The following COL6A3 variants were observed in gnomAD, a reference collection of about 807,000 sequenced individuals.
COL6A3 encodes collagen alpha-3(VI) chain.
Under a neutral mutation model 274.1 loss-of-function variants are expected in COL6A3, and 137 were observed. The ratio of observed to expected loss-of-function variants is 0.50; its 90% CI spans 0.44 to 0.58. COL6A3 has a LOEUF of 0.58. COL6A3 is among the 20% of genes least tolerant of loss of function. COL6A3 has a pLI of 0.00. For missense variants in COL6A3, 3,950 were observed against 4,124.9 expected, an observed-to-expected ratio of 0.96 and a Z score of 1.16; for synonymous variants, 1,650 against 1,650.6, an observed-to-expected ratio of 1.00 and a Z score of 0.01.
chr2:237,378,228 C>A (rs1305729336), intron 6 of COL6A3, among the ~76,000 whole-genome samples: 2 of 152,176 alleles, frequency 1.3e-5, no homozygotes, highest in African/African-American at 4.8e-5. Flanking sequence ...AGATGTTGAA[C>A]ATTTAAAAAT....
At chr2:237,386,198 T>C (rs930470706) in intron 4 of COL6A3, among the ~76,000 whole-genome samples, 4 of 152,252 alleles carry the variant, frequency 2.6e-5, no homozygotes, top group African/African-American at 9.6e-5. Context: ...AAATGTGGTG[T>C]GTTGCCTTTA....
intron 5 of COL6A3, among the ~76,000 whole-genome samples, chr2:237,379,514 T>C (rs2077947609): frequency 6.6e-6 from 1 of 152,096 alleles, no homozygotes; most frequent in Admixed American, 6.6e-5. Flanking sequence ...ACAAAAGTGA[T>C]CAGAATCCTT....
At chr2:237,359,490 T>C in intron 17 of COL6A3, 102 bp from the exon 18 acceptor site, 3 of 1,190,962 alleles carry the variant, frequency 2.5e-6, no homozygotes, top group Non-Finnish European at 3.8e-6. Flanking sequence ...CCCATTTGAA[T>C]GTTGCAGTGT....
intron 1 of COL6A3, among the ~76,000 whole-genome samples, chr2:237,411,848 A>G (rs2078863929): frequency 1.3e-5 from 2 of 152,208 alleles, no homozygotes; most frequent in Non-Finnish European, 2.9e-5. Context: ...AGTGGGGTGG[A>G]ACACGCTCCC....
At chr2:237,395,524 G>C (rs773329332) in intron 2 of COL6A3, among the ~76,000 whole-genome samples, 10 of 152,148 alleles carry the variant, frequency 6.6e-5, no homozygotes, top group Non-Finnish European at 1.2e-4. Context: ...GTGGCAGTTT[G>C]AGCCCCAAGA....
chr2:237,330,035 T>C (rs764721306), intron 42 of COL6A3: 2 of 152,256 alleles, frequency 1.3e-5, no homozygotes, highest in Non-Finnish European at 2.9e-5. Flanking sequence ...AGTTTCTGCA[T>C]TGAAACTTCT....
At position 237,368,132 on chromosome 2, in the gene COL6A3, C is replaced by T. The variant is rs546278770; in HGVS notation, c.4900+431G>A. ...AGCACGGGGTAGAAGCTGAGGTGGACGACTGCAAGTCTTCCAGGAAGGTGC... is the reference window on the plus strand; with the variant it reads ...AGCACGGGGTAGAAGCTGAGGTGGATGACTGCAAGTCTTCCAGGAAGGTGC... On this transcript the variant is annotated intron_variant, in intron 10 of 43. Coordinates refer to ENST00000295550, the MANE Select transcript of COL6A3 (RefSeq NM_004369.4). The surrounding 1 kb of genome is among the most constrained non-coding windows in gnomAD (Gnocchi z 4.4). Among the ~76,000 whole-genome samples, 2 of 152,306 alleles carry T rather than the reference C, an allele frequency of 1.3e-5. No homozygotes were observed. The highest frequency in any genetic ancestry group is 6.5e-5 in the Admixed American group (1 of 15,300).
intron 20 of COL6A3, 51 bp downstream of exon 20, chr2:237,358,984 T>A (rs774158338): frequency 9.5e-6 from 15 of 1,582,604 alleles, no homozygotes; most frequent in African/African-American, 1.3e-5. Context: ...ATTCCCTAAA[T>A]GAAATGTTGA....
At chr2:237,351,289 C>T in intron 26 of COL6A3, 97 bp from the exon 27 acceptor site, 2 of 1,167,096 alleles carry the variant, frequency 1.7e-6, no homozygotes, top group East Asian at 2.4e-5. Flanking sequence ...AAGTCAGAGC[C>T]CGCCAGGGGC....
chr2:237,374,790 G>T lies in COL6A3; in HGVS notation c.3301C>A (p.Leu1101Met). The T allele has an allele frequency of 6.2e-7, 1 of 1,614,064 alleles. No individual in the cohort carries two copies. The highest frequency in any genetic ancestry group is 8.5e-7 in the Non-Finnish European group (1 of 1,180,008). ...CCGGTGTTGGGGGTCGGCCCTCCCA[G>T]CAGGGTCAGCTGGCGGACAGCGTTG... ...VVNAVRQLTLLGGPTPNTGAA... is the reference protein window; with the variant it reads ...VVNAVRQLTLMGGPTPNTGAA... The change falls in exon 8 of 44, where the codon CTG becomes ATG. Residue 1101 changes from leucine to methionine, a missense_variant. Leu to Met is a conservative substitution (Grantham distance 15). This residue lies in a region of COL6A3 where 1,934 missense variants were observed against 1,984.3 expected (regional missense o/e 0.97). Coordinates refer to ENST00000295550, the MANE Select transcript of COL6A3 (RefSeq NM_004369.4). This position sits in a 1 kb window ranked among gnomAD's most constrained non-coding sequence, Gnocchi z 4.8.
At chr2:237,335,491 GC>G (rs1253182833) in intron 40 of COL6A3, among the ~76,000 whole-genome samples, 5 of 152,136 alleles carry the variant, frequency 3.3e-5, no homozygotes, top group African/African-American at 1.2e-4. Flanking sequence ...TGTGGTTTTT[GC>G]CATTGCTTTC....
At chr2:237,383,424 G>C (rs931794131) in intron 4 of COL6A3, among the ~76,000 whole-genome samples, 1 of 152,104 alleles carries the variant, frequency 6.6e-6, no homozygotes, top group Non-Finnish European at 1.5e-5. Context: ...AGAACATGCT[G>C]TCTCTCTGGG....
rs1263616785 is a variant in COL6A3, at chr2:237,358,600, A to G, written c.6409-17T>C. 1.9e-6 allele frequency: 3 copies of G among 1,608,276 alleles called. No individual in the cohort carries two copies. Among genetic ancestry groups the G allele is most frequent in the Non-Finnish European group, 2.6e-6 (3 of 1,174,876 alleles). ...TTTATCACCCTAAAGAAAAAGCACAAGTGGATGCTAAAAACTAGATGTTTC... is the reference window on the plus strand; with the variant it reads ...TTTATCACCCTAAAGAAAAAGCACAGGTGGATGCTAAAAACTAGATGTTTC... On this transcript the variant is annotated splice_polypyrimidine_tract_variant and intron_variant, in intron 20 of 43. Coordinates refer to ENST00000295550, the MANE Select transcript of COL6A3 (RefSeq NM_004369.4).
rs2077350851 is a variant in COL6A3, at chr2:237,357,830, T to C, written c.6524A>G (p.Asp2175Gly). 1 of 1,613,972 alleles carries C rather than the reference T, an allele frequency of 6.2e-7. No individual in the cohort carries two copies. The highest frequency in any genetic ancestry group is 8.5e-7 in the Non-Finnish European group (1 of 1,180,012). Reference protein sequence around the residue: ...QERGPKGETGDLGPMGVPGRD... With the variant: ...QERGPKGETGGLGPMGVPGRD... The stretch of plus-strand genomic sequence containing the variant: ...GCAGCACCTTACCATGGGGCCGAGG[T>C]CACCGGTTTCTCCTTTGGGTCCTCT... Residue 2175 changes from aspartate (D) to glycine (G), a missense_variant, in exon 22 of 44, where the codon GAC becomes GGC. By Grantham distance (94) the Asp-to-Gly change is moderately conservative. Around this residue, in one of 5 missense-constraint regions of COL6A3, gnomAD observed 1,284 missense variants for 1,349.7 expected, o/e 0.95. Coordinates refer to ENST00000295550, the MANE Select transcript of COL6A3 (RefSeq NM_004369.4).
At chr2:237,340,370 C>T (rs1417844694) in intron 38 of COL6A3, 82 bp downstream of exon 38, 1 of 1,336,378 alleles carries the variant, frequency 7.5e-7, no homozygotes, top group East Asian at 2.4e-5. Flanking sequence ...CATCGGTTGT[C>T]TTTTCCATGA....
In COL6A3 at chr2:237,378,511, T is replaced by A. The variant is rs2077908978; in HGVS notation, c.2497+125A>T. On this transcript the variant is annotated intron_variant, in intron 6 of 43. Transcript: ENST00000295550. ...TGTCTCAAGTCCCCATTCAAACTATTTCAATGGAAGGGAGCCAATTGTCTT... is the reference window on the plus strand; with the variant it reads ...TGTCTCAAGTCCCCATTCAAACTATATCAATGGAAGGGAGCCAATTGTCTT... 23 of 1,428,248 alleles carry A rather than the reference T, an allele frequency of 1.6e-5. 1 individual carries two copies. The highest frequency in any genetic ancestry group is 2.3e-5 in the Non-Finnish European group (23 of 1,016,810). 88.5% of individuals were successfully genotyped at this position (1,428,248 alleles called of 1,614,324 possible). A position where few individuals can be genotyped will look rare whatever the true frequency, so the allele number is the denominator to read the frequency against.
In COL6A3 at chr2:237,389,299, A is replaced by G. The variant is rs573771133; in HGVS notation, c.710-1115T>C. Among the ~76,000 whole-genome samples, 45 of 152,300 alleles carry G rather than the reference A, an allele frequency of 3.0e-4. No individual in the cohort carries two copies. In the South Asian group the frequency reaches 8.9e-3, roughly 30 times the overall value. ...TTTAAATTTGGCTGATTTAAACTCA[A>G]GGAGGAGCACAATTATTCTAGTCGA... On this transcript the variant is annotated intron_variant, in intron 3 of 43. Transcript: ENST00000295550.
rs773192776 is a variant in COL6A3, at chr2:237,341,018, A to C, written c.7898T>G (p.Phe2633Cys). Reference sequence around the variant, plus strand: ...GTACTTCTTCATCTCATTGAACTGGAACAGGGTGGTGGTCTCAGCGCTGTC... The same window carrying C: ...GTACTTCTTCATCTCATTGAACTGGCACAGGGTGGTGGTCTCAGCGCTGTC... ...ILDSAETTTL[F>C]QFNEMKKYIA... The change falls in exon 38 of 44, where the codon TTC becomes TGC. Residue 2633 changes from phenylalanine (F) to cysteine (C), a missense_variant. Physicochemically the swap from Phe to Cys is radical, Grantham distance 205. Coordinates refer to ENST00000295550, the MANE Select transcript of COL6A3 (RefSeq NM_004369.4). 1.2e-6 allele frequency: 2 copies of C among 1,614,136 alleles called. No homozygotes were observed. Among genetic ancestry groups the C allele is most frequent in the Admixed American group, 1.7e-5 (1 of 60,024 alleles).
intron 43 of COL6A3, among the ~76,000 whole-genome samples, chr2:237,325,179 C>G (rs1172281412): frequency 6.6e-6 from 1 of 152,096 alleles, no homozygotes; most frequent in Non-Finnish European, 1.5e-5. Context: ...CTGGATGGCC[C>G]CAGTGACAAC....
Sources: gnomAD v4.1 joint callset for allele counts (sites outside exome capture counted in the v4.1 genomes callset) on GRCh38, gnomAD v4.1.1 for gene constraint, gnomAD v4.1.1 regional missense constraint, Gnocchi (gnomAD v3.1) non-coding constraint, MANE v1.5 for transcripts, NCBI Gene and HGNC (gene_info 2026-07-23, HGNC 2026-07-21) for gene names.